The following KLHL20 variants were observed in gnomAD, a reference collection of about 807,000 sequenced individuals.
KLHL20 encodes kelch-like protein 20.
Under a neutral mutation model 69.5 loss-of-function variants are expected in KLHL20, and 29 were observed. The ratio of observed to expected loss-of-function variants is 0.42; its 90% CI spans 0.31 to 0.57. The LOEUF is 0.57. KLHL20 is among the 20% of genes least tolerant of loss of function. KLHL20 has a pLI of 0.18. For synonymous variants in KLHL20, 253 were observed against 265.2 expected (o/e 0.95, Z 0.45); for missense variants, 419 against 776.0 (o/e 0.54, Z 5.47).
At chr1:173,740,334 TC>T (rs1021393286) in intron 3 of KLHL20, among the ~76,000 whole-genome samples, 5 of 151,840 alleles carry the variant, frequency 3.3e-5, no homozygotes, top group African/African-American at 9.7e-5. Context: ...GTGGTCTTGA[TC>T]TCCTGACCTC....
chr1:173,757,299 C>T, intron 7 of KLHL20, 140 bp downstream of exon 7: 4 of 740,288 alleles, frequency 5.4e-6, no homozygotes, highest in Middle Eastern at 7.4e-4. Flanking sequence ...TAGTATGATA[C>T]ACAAATTCTT....
At chr1:173,755,840 A>G (rs982732232) in intron 5 of KLHL20, 83 bp from the exon 6 acceptor site, 6 of 843,750 alleles carry the variant, frequency 7.1e-6, no homozygotes, top group Non-Finnish European at 1.1e-5. Flanking sequence ...CCCTTTGCCA[A>G]CCTATATATT....
intron 2 of KLHL20, among the ~76,000 whole-genome samples, chr1:173,727,531 A>G (rs1672034739): frequency 6.6e-6 from 1 of 152,258 alleles, no homozygotes; most frequent in Non-Finnish European, 1.5e-5. Context: ...AGGGAAGCCC[A>G]TCAGACTAAC....
At chr1:173,780,131 G>T (rs1648767614) in intron 10 of KLHL20, among the ~76,000 whole-genome samples, 1 of 152,214 alleles carries the variant, frequency 6.6e-6, no homozygotes, top group East Asian at 1.9e-4. Flanking sequence ...CCACTGGAAG[G>T]TGTCAGCAAG....
At chr1:173,762,530 C>A (rs962329988) in intron 7 of KLHL20, among the ~76,000 whole-genome samples, 3 of 152,100 alleles carry the variant, frequency 2.0e-5, no homozygotes, top group African/African-American at 7.2e-5. Flanking sequence ...AAAGATAATC[C>A]ACCATGATCA....
rs576657630 is a variant in KLHL20 at position 173,742,672 on chromosome 1, T to C, written c.597+8386T>C. ...GTATGTATATACACGTATGTGTATA[T>C]ATATGCATATATCGTATGTATATGT... On this transcript the variant is annotated intron_variant, in intron 3 of 11. Coordinates refer to ENST00000209884, the MANE Select transcript of KLHL20 (RefSeq NM_014458.4). Among the ~76,000 whole-genome samples the C allele has an allele frequency of 7.9e-5, 12 of 151,170 alleles. No homozygotes were observed. In the South Asian group the frequency reaches 1.7e-3, roughly 21 times the overall value.
At chr1:173,743,566 T>C (rs1316643897) in intron 3 of KLHL20, among the ~76,000 whole-genome samples, 2 of 152,012 alleles carry the variant, frequency 1.3e-5, no homozygotes, top group Non-Finnish European at 2.9e-5. Context: ...ATTTTCTGTC[T>C]ACATTCTGCT....
chr1:173,746,252 C>T (rs1225770716), intron 3 of KLHL20, among the ~76,000 whole-genome samples: 1 of 152,094 alleles, frequency 6.6e-6, no homozygotes, highest in Non-Finnish European at 1.5e-5. Flanking sequence ...TTTCCTTGTA[C>T]TGTCTTTGTC....
At chr1:173,726,179 A>G (rs1254823984) in intron 2 of KLHL20, among the ~76,000 whole-genome samples, 1 of 152,108 alleles carries the variant, frequency 6.6e-6, no homozygotes, top group Non-Finnish European at 1.5e-5. Flanking sequence ...CACACTGTAA[A>G]GCAGCAGCGA....
chr1:173,780,437 G>T (rs1310157636), intron 10 of KLHL20, among the ~76,000 whole-genome samples: 1 of 152,188 alleles, frequency 6.6e-6, no homozygotes, highest in Non-Finnish European at 1.5e-5. Flanking sequence ...ACAGTCACAT[G>T]TAAGCTAGCT....
At chr1:173,722,984 C>T (rs1247565995) in intron 2 of KLHL20, among the ~76,000 whole-genome samples, 1 of 152,168 alleles carries the variant, frequency 6.6e-6, no homozygotes, top group Non-Finnish European at 1.5e-5. Flanking sequence ...GCCACCGCGC[C>T]TGGCACTATG....
intron 7 of KLHL20, among the ~76,000 whole-genome samples, chr1:173,759,585 G>A (rs1673701476): frequency 6.6e-6 from 1 of 152,174 alleles, no homozygotes; most frequent in Non-Finnish European, 1.5e-5. Context: ...GCCCAGAGCT[G>A]AGTAGACTTG....
chr1:173,750,758 A>G (rs1331148198), intron 3 of KLHL20, among the ~76,000 whole-genome samples: 1 of 151,822 alleles, frequency 6.6e-6, no homozygotes, highest in Non-Finnish European at 1.5e-5. Context: ...ATAAGTTCTC[A>G]CTATGTTGCC....
intron 7 of KLHL20, among the ~76,000 whole-genome samples, chr1:173,758,060 T>C (rs978786827): frequency 3.9e-5 from 6 of 152,144 alleles, no homozygotes; most frequent in South Asian, 4.1e-4. Context: ...GAGGGATCAG[T>C]CCCATAGAAG....
chr1:173,774,069 T>C (rs1648292219), intron 8 of KLHL20, among the ~76,000 whole-genome samples: 1 of 151,632 alleles, frequency 6.6e-6, no homozygotes, highest in Non-Finnish European at 1.5e-5. Flanking sequence ...AAGTCATAGG[T>C]TGTTTTCTTT....
intron 10 of KLHL20, among the ~76,000 whole-genome samples, chr1:173,779,089 C>T (rs1297039281): frequency 6.6e-6 from 1 of 151,842 alleles, no homozygotes; most frequent in African/African-American, 2.4e-5. Context: ...TATAAACTTT[C>T]CTCTTACTTT....
Position 173,760,886 on chromosome 1 carries a change from C to T in KLHL20, c.1151+3727C>T, listed in dbSNP as rs1647245755. 2.6e-5 allele frequency among the ~76,000 whole-genome samples: 4 copies of T among 152,202 alleles called. No homozygotes were observed. The South Asian group carries it at 6.2e-4, about 24-fold the overall frequency. On this transcript the variant is annotated intron_variant, in intron 7 of 11. Transcript: ENST00000209884. ...CTACGAAAGTAAAGTAACGGTACCTCACATTTCAATACTAACATTGAATGT... is the reference window on the plus strand; with the variant it reads ...CTACGAAAGTAAAGTAACGGTACCTTACATTTCAATACTAACATTGAATGT...
At chr1:173,762,936 G>C (rs772803778) in intron 7 of KLHL20, among the ~76,000 whole-genome samples, 12 of 152,110 alleles carry the variant, frequency 7.9e-5, no homozygotes, top group Non-Finnish European at 1.6e-4. Context: ...AAGTCATACT[G>C]TCACTGTTTG....
chr1:173,773,957 G>T (rs1648280302), intron 8 of KLHL20, among the ~76,000 whole-genome samples: 1 of 146,804 alleles, frequency 6.8e-6, no homozygotes, highest in South Asian at 2.2e-4. Context: ...AGCTTGCAGT[G>T]AGCTGAGATC....
Sources: allele counts gnomAD v4.1 joint callset (sites outside exome capture counted in the v4.1 genomes callset), GRCh38; gene constraint gnomAD v4.1.1; transcripts MANE v1.5; gene names NCBI Gene and HGNC (gene_info 2026-07-23, HGNC 2026-07-21).